Variants in CELSR1 observed in about 807,000 individuals in gnomAD.
CELSR1 encodes the protein cadherin EGF LAG seven-pass G-type receptor 1, also known as adhesion G protein-coupled receptor C1.
Under a neutral mutation model 249.1 loss-of-function variants are expected in CELSR1, and 110 were observed. That is an observed-to-expected ratio of 0.44 (90% CI 0.38 to 0.52). CELSR1 has a LOEUF of 0.52. Among genes scored for constraint, CELSR1 ranks in the 20% least tolerant of loss-of-function variants. The pLI is 0.00. For missense variants in CELSR1, 4,109 were observed against 4,296.4 expected (o/e 0.96, Z 1.22); for synonymous variants, 2,113 against 1,900.0 (o/e 1.11, Z -2.92).
Position 46,500,410 on chromosome 22 carries a change from A to C in CELSR1, c.3544+33217T>G, listed in dbSNP as rs1190030874. On this transcript the variant is annotated intron_variant, in intron 1 of 34. Coordinates refer to ENST00000674500, the MANE Select transcript of CELSR1 (RefSeq NM_001378328.1). The surrounding 1 kb of genome is among the most constrained non-coding windows in gnomAD (Gnocchi z 4.9). Reference sequence around the variant, plus strand: ...TTACAGCGGTGGCGGTAACCATGGAAACTGGCAGTCGGTGCAGGAGGGCGA... The same window carrying C: ...TTACAGCGGTGGCGGTAACCATGGACACTGGCAGTCGGTGCAGGAGGGCGA... Among the ~76,000 whole-genome samples the C allele has an allele frequency of 1.3e-5, 2 of 152,156 alleles. No individual in the cohort carries two copies. Among genetic ancestry groups the C allele is most frequent in the African/African-American group, 4.8e-5 (2 of 41,432 alleles).
Position 46,409,047 on chromosome 22 carries a change from G to A in CELSR1, c.5175C>T (p.Asp1725=). 1.9e-6 allele frequency: 3 copies of A among 1,613,272 alleles called. No homozygotes were observed. Among genetic ancestry groups the A allele is most frequent in the Middle Eastern group, 1.7e-4 (1 of 6,014 alleles). The change falls in exon 9 of 35, where the codon GAC becomes GAT. Residue 1725 remains aspartate (D), a synonymous_variant. Transcript: ENST00000674500. The surrounding 1 kb of genome is among the most constrained non-coding windows in gnomAD (Gnocchi z 9.8). ...CACTGGTGGCCTCCATCAGAACGCT[G>A]TCCTCCTTCCGGGTCCGGAACATGA... ...LGLMFRTRKE[D]SVLMEATSGG... is the part of the protein sequence containing the mutation.
In CELSR1 at chr22:46,364,673, C is replaced by T. The variant is rs369796139; in HGVS notation, c.8618G>A (p.Ser2873Asn). The part of the protein sequence containing the change: ...WPDQSLAESD[S>N]EDPSGKPRLK... ...GCGGGGCTTGCCGCTGGGGTCCTCA[C>T]TGTCACTCTCAGCCAGGCTCTGGTC... The change falls in exon 33 of 35, where the codon AGT becomes AAT. Residue 2873 changes from serine (S) to asparagine (N), a missense_variant. By Grantham distance (46) the Ser-to-Asn change is conservative (BLOSUM62 1). This residue lies in a region of CELSR1 where 1,805 missense variants were observed against 1,831.6 expected (regional missense o/e 0.99). Coordinates refer to ENST00000674500, the MANE Select transcript of CELSR1 (RefSeq NM_001378328.1). The T allele has an allele frequency of 1.8e-5, 29 of 1,612,530 alleles. No individual in the cohort carries two copies. The highest frequency in any genetic ancestry group is 1.4e-5 in the Non-Finnish European group (17 of 1,179,908).
At position 46,396,328 on chromosome 22, in the gene CELSR1, A is replaced by G. The variant is rs192497158; in HGVS notation, c.5843+277T>C. ...GAGGCCGAGGCAGGAGAATCACTTGAGCCCAGGAGGCAGAGGTTGCAAGGA... is the reference window on the plus strand; with the variant it reads ...GAGGCCGAGGCAGGAGAATCACTTGGGCCCAGGAGGCAGAGGTTGCAAGGA... On this transcript the variant is annotated intron_variant, in intron 13 of 34. Transcript: ENST00000674500. The surrounding 1 kb of genome is among the most constrained non-coding windows in gnomAD (Gnocchi z 6.4). 6.6e-5 allele frequency among the ~76,000 whole-genome samples: 10 copies of G among 152,296 alleles called. No individual in the cohort carries two copies. The East Asian group carries it at 1.9e-3, about 29-fold the overall frequency.
At chr22:46,519,409 G>C (rs941454122) in intron 1 of CELSR1, among the ~76,000 whole-genome samples, 2 of 152,230 alleles carry the variant, frequency 1.3e-5, no homozygotes, top group African/African-American at 2.4e-5. Context: ...TGGACCCAAG[G>C]CTTGGTCATG....
rs1020644482 is a variant in CELSR1 at position 46,409,652 on chromosome 22, C to G, written c.5059+103G>C. On this transcript the variant is annotated intron_variant, in intron 8 of 34. Coordinates refer to ENST00000674500, the MANE Select transcript of CELSR1 (RefSeq NM_001378328.1). This position sits in a 1 kb window ranked among gnomAD's most constrained non-coding sequence, Gnocchi z 9.8. ...TGCAGCATATACCACCAGAGGCTGC[C>G]GGACCTGGATGTGAAGCCCCCTCAC... The G allele has an allele frequency of 2.8e-6, 4 of 1,412,432 alleles. No homozygotes were observed. Among genetic ancestry groups the G allele is most frequent in the Non-Finnish European group, 3.9e-6 (4 of 1,019,670 alleles). The allele number at this position is 1,412,432 out of a possible 1,614,324, so 87.5% of individuals were successfully genotyped here.
At position 46,464,671 on chromosome 22, in the gene CELSR1, C is replaced by T. The variant is rs553107530; in HGVS notation, c.3545-326G>A. Reference sequence around the variant, plus strand: ...CAAGGTGCTCAGCAGGGCACCCTGACGACCACCAGGATTCAGCCCCTCACT... The same window carrying T: ...CAAGGTGCTCAGCAGGGCACCCTGATGACCACCAGGATTCAGCCCCTCACT... On this transcript the variant is annotated intron_variant, in intron 1 of 34. Transcript: ENST00000674500. This position sits in a 1 kb window ranked among gnomAD's most constrained non-coding sequence, Gnocchi z 8.5. Among the ~76,000 whole-genome samples, 17 of 152,308 alleles carry T rather than the reference C, an allele frequency of 1.1e-4. No individual in the cohort carries two copies. The highest frequency in any genetic ancestry group is 3.4e-3 in the Middle Eastern group (1 of 294).
chr22:46,507,614 G>A (rs1365558587), intron 1 of CELSR1, among the ~76,000 whole-genome samples: 1 of 152,122 alleles, frequency 6.6e-6, no homozygotes, highest in Non-Finnish European at 1.5e-5. Context: ...TCAGTGCAGG[G>A]GCCCCGCTGT....
Position 46,447,952 on chromosome 22 carries a change from C to T in CELSR1, c.4184-8541G>A, listed in dbSNP as rs1463629238. Among the ~76,000 whole-genome samples, 1 of 152,238 alleles carries T rather than the reference C, an allele frequency of 6.6e-6. No individual in the cohort carries two copies. The highest frequency in any genetic ancestry group is 1.5e-5 in the Non-Finnish European group (1 of 68,038). ...CATTCTTAACGGCAAAAGAAAAGCTCCCAGGAGCCAAGGCCCATCCAGCCC... is the reference window on the plus strand; with the variant it reads ...CATTCTTAACGGCAAAAGAAAAGCTTCCAGGAGCCAAGGCCCATCCAGCCC... On this transcript the variant is annotated intron_variant, in intron 2 of 34. Transcript: ENST00000674500. The surrounding 1 kb of genome is among the most constrained non-coding windows in gnomAD (Gnocchi z 4.7).
intron 1 of CELSR1, among the ~76,000 whole-genome samples, chr22:46,502,183 A>G (rs546378864): frequency 1.5e-4 from 23 of 149,174 alleles, no homozygotes; most frequent in Non-Finnish European, 3.0e-4. Context: ...GGATCACTTG[A>G]GCCCAGGAGG....
chr22:46,424,219 C>A (rs1441571868), intron 5 of CELSR1, among the ~76,000 whole-genome samples: 1 of 141,162 alleles, frequency 7.1e-6, no homozygotes, highest in Non-Finnish European at 1.6e-5. Flanking sequence ...GGCACATGCA[C>A]CACACACCCG....
In CELSR1 at chr22:46,378,636, G is replaced by A; in HGVS notation, c.7338C>T (p.Ser2446=). The change falls in exon 23 of 35, where the codon AGC becomes AGT. Residue 2446 remains serine, a synonymous_variant. Coordinates refer to ENST00000674500, the MANE Select transcript of CELSR1 (RefSeq NM_001378328.1). ...RNRTHVACQC[S]HTASFAVLMD... ...TGAGCACCGCAAAGCTGGCTGTGTG[G>A]CTGCACTGGCAGGCGACATGTGTCC... 1 of 1,603,984 alleles carries A rather than the reference G, an allele frequency of 6.2e-7. No individual in the cohort carries two copies. Among genetic ancestry groups the A allele is most frequent in the Non-Finnish European group, 8.5e-7 (1 of 1,176,368 alleles).
Position 46,413,917 on chromosome 22 carries a change from T to C in CELSR1, c.4612-2158A>G, listed in dbSNP as rs2079366530. On this transcript the variant is annotated intron_variant, in intron 5 of 34. Transcript: ENST00000674500. This position sits in a 1 kb window ranked among gnomAD's most constrained non-coding sequence, Gnocchi z 4.7. ...TAATTTACATTTTTGGGGCTGGGCG[T>C]GAGACTACTGGAGGAAGGGCGTAAG... Among the ~76,000 whole-genome samples the C allele has an allele frequency of 1.3e-5, 2 of 152,162 alleles. No homozygotes were observed. Among genetic ancestry groups the C allele is most frequent in the South Asian group, 4.1e-4 (2 of 4,828 alleles).
At chr22:46,487,064 A>G (rs6008863) in intron 1 of CELSR1, among the ~76,000 whole-genome samples, 82,422 of 144,484 alleles carry the variant, frequency 0.57, 23,000 homozygotes, top group African/African-American at 0.66. Flanking sequence ...TCCCACTCCC[A>G]CTTCCACACA....
chr22:46,433,573 C>T lies in CELSR1; in HGVS notation c.4523-92G>A. The T allele has an allele frequency of 2.1e-6, 2 of 949,354 alleles. No individual in the cohort carries two copies. Among genetic ancestry groups the T allele is most frequent in the South Asian group, 2.9e-5 (2 of 68,290 alleles). 58.8% of individuals were successfully genotyped at this position (949,354 alleles called of 1,614,324 possible). On this transcript the variant is annotated intron_variant, in intron 4 of 34. Transcript: ENST00000674500. The surrounding 1 kb of genome is among the most constrained non-coding windows in gnomAD (Gnocchi z 5.7). ...TGCGCTGTGAGGCATCAGGGGGAGACAGGTGCACATGGCCACGTCCTCCCT... is the reference window on the plus strand; with the variant it reads ...TGCGCTGTGAGGCATCAGGGGGAGATAGGTGCACATGGCCACGTCCTCCCT...
intron 28 of CELSR1, 132 bp downstream of exon 28, chr22:46,367,597 C>A: frequency 7.7e-7 from 1 of 1,290,410 alleles, no homozygotes; most frequent in Admixed American, 2.3e-5. Flanking sequence ...GTCCTCACAG[C>A]CACAGGAGGC....
At position 46,429,340 on chromosome 22, in the gene CELSR1, A is replaced by AAAACAAAC. The variant is rs373758360; in HGVS notation, c.4611+4045_4611+4052dup. Among the ~76,000 whole-genome samples the AAAACAAAC allele has an allele frequency of 1.3e-5, 2 of 152,108 alleles. No homozygotes were observed. The highest frequency in any genetic ancestry group is 4.8e-5 in the African/African-American group (2 of 41,376). On this transcript the variant is annotated intron_variant, in intron 5 of 34. Coordinates refer to ENST00000674500, the MANE Select transcript of CELSR1 (RefSeq NM_001378328.1). The surrounding 1 kb of genome is among the most constrained non-coding windows in gnomAD (Gnocchi z 4.1). ...CACCTTCAAACCAGCCTTGAGGGAA[A>AAAACAAAC]AAACAAACAAACAAACAAACAAAAA...
At position 46,391,346 on chromosome 22, in the gene CELSR1, C is replaced by A; in HGVS notation, c.6149-59G>T. On this transcript the variant is annotated intron_variant, in intron 15 of 34. Transcript: ENST00000674500. This position sits in a 1 kb window ranked among gnomAD's most constrained non-coding sequence, Gnocchi z 4.3. ...GGCACGCCACACCCACGACCACAAA[C>A]AGGCACCACTGTCTGCATGCGCCTC... 6.8e-7 allele frequency: 1 copy of A among 1,473,646 alleles called. No individual in the cohort carries two copies. Among genetic ancestry groups the A allele is most frequent in the South Asian group, 1.2e-5 (1 of 86,484 alleles). The allele number at this position is 1,473,646 out of a possible 1,614,324, so 91.3% of individuals were successfully genotyped here.
chr22:46,426,954 C>T (rs1454467578), intron 5 of CELSR1, among the ~76,000 whole-genome samples: 2 of 152,194 alleles, frequency 1.3e-5, no homozygotes, highest in African/African-American at 4.8e-5. Context: ...TGTTACCAGG[C>T]AGCACGAATG....
rs963686327 is a variant in CELSR1 at position 46,412,542 on chromosome 22, G to A, written c.4612-783C>T. On this transcript the variant is annotated intron_variant, in intron 5 of 34. Coordinates refer to ENST00000674500, the MANE Select transcript of CELSR1 (RefSeq NM_001378328.1). This position sits in a 1 kb window ranked among gnomAD's most constrained non-coding sequence, Gnocchi z 4.5. Reference sequence around the variant, plus strand: ...CTCTGGGCCAGGATTGGGTACAAGAGTTCTTCTGGAATCAGTGACCTTGGG... The same window carrying A: ...CTCTGGGCCAGGATTGGGTACAAGAATTCTTCTGGAATCAGTGACCTTGGG... 2.6e-5 allele frequency among the ~76,000 whole-genome samples: 4 copies of A among 152,184 alleles called. No individual in the cohort carries two copies. The highest frequency in any genetic ancestry group is 9.7e-5 in the African/African-American group (4 of 41,438).
Sources: gnomAD v4.1 joint callset for allele counts (sites outside exome capture counted in the v4.1 genomes callset) on GRCh38, gnomAD v4.1.1 for gene constraint, gnomAD v4.1.1 regional missense constraint, Gnocchi (gnomAD v3.1) non-coding constraint, MANE v1.5 for transcripts, NCBI Gene and HGNC (gene_info 2026-07-23, HGNC 2026-07-21) for gene names.